Variants in UBE2E3 observed in about 807,000 individuals in gnomAD.
The protein encoded by UBE2E3 is ubiquitin-conjugating enzyme E2 E3.
In UBE2E3, 5 loss-of-function variants were observed where a neutral mutation model predicts 23.6. That is an observed-to-expected ratio of 0.21 (90% CI 0.11 to 0.44). The LOEUF (loss-of-function observed/expected upper bound fraction) is 0.44, where lower values mean the gene tolerates loss of function less well. UBE2E3 is among the 20% of genes least tolerant of loss of function. The pLI is 0.99. For synonymous variants in UBE2E3, 78 were observed against 87.5 expected, an observed-to-expected ratio of 0.89 and a Z score of 0.60; for missense variants, 81 against 249.8, an observed-to-expected ratio of 0.32 and a Z score of 4.55.
chr2:181,044,307 T>C (rs936309207), intron 3 of UBE2E3, among the ~76,000 whole-genome samples: 3 of 152,130 alleles, frequency 2.0e-5, no homozygotes, highest in African/African-American at 4.8e-5. Context: ...AACTAAAAAT[T>C]TAGAAACTGA....
chr2:180,988,524 G>A (rs1038414076), intron 3 of UBE2E3, among the ~76,000 whole-genome samples: 2 of 152,112 alleles, frequency 1.3e-5, no homozygotes, highest in Non-Finnish European at 2.9e-5. Context: ...GATGAGTAAT[G>A]ATTATATTTT....
intron 3 of UBE2E3, among the ~76,000 whole-genome samples, chr2:181,011,084 CT>C (rs535488388): frequency 3.9e-4 from 56 of 144,570 alleles, no homozygotes; most frequent in East Asian, 8.0e-4. Context: ...AGGGTCTTGA[CT>C]TTTTTTTTTT....
intron 3 of UBE2E3, among the ~76,000 whole-genome samples, chr2:181,043,897 C>T (rs770217674): frequency 1.3e-5 from 2 of 152,040 alleles, no homozygotes; most frequent in Non-Finnish European, 2.9e-5. Flanking sequence ...GATTGAAAAC[C>T]GTAAGTGATT....
intron 3 of UBE2E3, among the ~76,000 whole-genome samples, chr2:181,027,817 G>T (rs1685946250): frequency 6.6e-6 from 1 of 151,786 alleles, no homozygotes; most frequent in Admixed American, 6.6e-5. Context: ...TCATTTGATT[G>T]TACAGAAAAA....
chr2:181,036,589 G>A lies in UBE2E3; in HGVS notation c.246-21104G>A, dbSNP rs187052520. ...TGTCCCCACCTGAGTGAGTGAGGGG[G>A]TGTGGGGGTTATGTGAAAGTGTGCC... On this transcript the variant is annotated intron_variant, in intron 3 of 5. Transcript: ENST00000410062. Among the ~76,000 whole-genome samples, 31 of 152,288 alleles carry A rather than the reference G, an allele frequency of 2.0e-4. No homozygotes were observed. The East Asian group carries it at 5.6e-3, about 27-fold the overall frequency.
intron 3 of UBE2E3, among the ~76,000 whole-genome samples, chr2:181,029,426 T>G (rs1204263877): frequency 6.6e-6 from 1 of 152,186 alleles, no homozygotes; most frequent in Non-Finnish European, 1.5e-5. Flanking sequence ...AAACATACTG[T>G]ATCACCCTCA....
At chr2:180,994,817 T>C (rs186713116) in intron 3 of UBE2E3, among the ~76,000 whole-genome samples, 1 of 152,318 alleles carries the variant, frequency 6.6e-6, no homozygotes, top group East Asian at 1.9e-4. Flanking sequence ...GATACTAGTC[T>C]GTTTTATCAT....
intron 3 of UBE2E3, among the ~76,000 whole-genome samples, chr2:181,048,614 G>A (rs1394841327): frequency 3.3e-5 from 5 of 151,798 alleles, no homozygotes; most frequent in Non-Finnish European, 7.4e-5. Flanking sequence ...CTTTTAGTTA[G>A]TAGAATTATT....
At chr2:180,998,451 A>C (rs1461818035) in intron 3 of UBE2E3, among the ~76,000 whole-genome samples, 1 of 151,998 alleles carries the variant, frequency 6.6e-6, no homozygotes, top group African/African-American at 2.4e-5. Flanking sequence ...AGTTGGGATA[A>C]GGAGAGTGGG....
intron 3 of UBE2E3, among the ~76,000 whole-genome samples, chr2:181,045,446 T>C (rs1686646779): frequency 6.6e-6 from 1 of 152,206 alleles, no homozygotes; most frequent in Non-Finnish European, 1.5e-5. Flanking sequence ...CCCAGGCAAT[T>C]ATGTCACATC....
chr2:181,048,471 G>A (rs185928356), intron 3 of UBE2E3, among the ~76,000 whole-genome samples: 63 of 152,208 alleles, frequency 4.1e-4, no homozygotes, highest in Admixed American at 2.1e-3. Flanking sequence ...GGATTAATAA[G>A]CAATACCATT....
At chr2:181,033,971 A>T (rs1158508942) in intron 3 of UBE2E3, among the ~76,000 whole-genome samples, 2 of 152,172 alleles carry the variant, frequency 1.3e-5, no homozygotes, top group African/African-American at 2.4e-5. Context: ...TCAAAACCAC[A>T]ATGAGATACC....
intron 3 of UBE2E3, among the ~76,000 whole-genome samples, chr2:181,017,304 G>T (rs1685523971): frequency 6.6e-6 from 1 of 152,158 alleles, no homozygotes; most frequent in African/African-American, 2.4e-5. Flanking sequence ...GGTCCAGGAG[G>T]GGCCAGTGGG....
intron 3 of UBE2E3, among the ~76,000 whole-genome samples, chr2:181,028,870 T>C (rs1461260502): frequency 6.6e-6 from 1 of 152,172 alleles, no homozygotes; most frequent in African/African-American, 2.4e-5. Context: ...AAATGGTAGT[T>C]AAATTTATCA....
intron 2 of UBE2E3, 77 bp downstream of exon 2, chr2:180,982,313 C>T: frequency 7.6e-7 from 1 of 1,309,094 alleles, no homozygotes; most frequent in South Asian, 1.4e-5. Context: ...TTGGTTTTAC[C>T]TCAATAGCAG....
At chr2:180,987,210 T>G (rs1448460064) in intron 3 of UBE2E3, 4 of 1,010,082 alleles carry the variant, frequency 4.0e-6, no homozygotes, top group South Asian at 1.7e-5. Context: ...TATAAATAAT[T>G]TATACATCAA....
chr2:181,021,640 C>CTTCT (rs1685702004), intron 3 of UBE2E3, among the ~76,000 whole-genome samples: 1 of 110,854 alleles, frequency 9.0e-6, no homozygotes, highest in East Asian at 2.6e-4. Context: ...TTTTTCCTTC[C>CTTCT]TTCCTTCCTT....
intron 3 of UBE2E3, among the ~76,000 whole-genome samples, chr2:181,019,961 A>G (rs1685622301): frequency 6.6e-6 from 1 of 152,152 alleles, no homozygotes; most frequent in Non-Finnish European, 1.5e-5. Flanking sequence ...CATCTTGCAT[A>G]GCTAGAATTG....
intron 3 of UBE2E3, among the ~76,000 whole-genome samples, chr2:180,998,261 G>T (rs1268728533): frequency 6.6e-6 from 1 of 152,090 alleles, no homozygotes; most frequent in Non-Finnish European, 1.5e-5. Context: ...AATTGGTGGT[G>T]TTCTGGTTGG....
Sources: allele counts gnomAD v4.1 joint callset (sites outside exome capture counted in the v4.1 genomes callset), GRCh38; gene constraint gnomAD v4.1.1; transcripts MANE v1.5; gene names NCBI Gene and HGNC (gene_info 2026-07-23, HGNC 2026-07-21).